RSPH10B2: variants seen among roughly 807,000 people sequenced by gnomAD.
The protein encoded by RSPH10B2 is radial spoke head 10 homolog B2 (Chlamydomonas).
In RSPH10B2, 9 loss-of-function variants were observed where a neutral mutation model predicts 49.0. The ratio of observed to expected loss-of-function variants is 0.18; its 90% confidence interval spans 0.11 to 0.32. The LOEUF (loss-of-function observed/expected upper bound fraction) is 0.32, where lower values mean the gene tolerates loss of function less well. Ranked by LOEUF, RSPH10B2 falls within the 10% of genes least tolerant of loss-of-function variation. The probability of loss-of-function intolerance (pLI) is 1.00; values close to 1 mark genes in which losing one functional copy is unlikely to be tolerated. For missense variants in RSPH10B2, 95 were observed against 589.9 expected (o/e 0.16, Z 8.69); for synonymous variants, 35 against 210.2 (o/e 0.17, Z 7.21).
chr7:6,752,215 C>T (rs554860635), upstream of RSPH10B2, among the ~76,000 whole-genome samples: 2 of 148,626 alleles, frequency 1.3e-5, no homozygotes, highest in Admixed American at 6.8e-5. Flanking sequence ...TTCCTCTGTG[C>T]GGCCAAGGTC....
intron 4 of RSPH10B2, 99 bp downstream of exon 6, chr7:6,764,200 G>GA (rs1344222165): frequency 1.9e-5 from 6 of 312,242 alleles, no homozygotes; most frequent in African/African-American, 1.4e-4. Flanking sequence ...CGGGGGGGTC[G>GA]GGGGGGCAGA....
At chr7:6,797,837 A>T (rs1485509746) in intron 18 of RSPH10B2, among the ~76,000 whole-genome samples, 2 of 98,030 alleles carry the variant, frequency 2.0e-5, no homozygotes, top group Admixed American at 2.4e-4. Flanking sequence ...TGGGCAACAC[A>T]GTAAGACCCT....
intron 18 of RSPH10B2, among the ~76,000 whole-genome samples, chr7:6,797,135 A>C (rs1346640582): frequency 2.1e-5 from 3 of 142,076 alleles, no homozygotes; most frequent in African/African-American, 5.1e-5. Flanking sequence ...CAGCCTCCCG[A>C]GTAGCTGGGA....
At chr7:6,770,764 G>A (rs1781609831) in intron 7 of RSPH10B2, among the ~76,000 whole-genome samples, 1 of 152,288 alleles carries the variant, frequency 6.6e-6, no homozygotes, top group Non-Finnish European at 1.5e-5. Context: ...AATTAGCTGG[G>A]TGTGGTGGCG....
At chr7:6,782,651 G>T (rs1342645657) in intron 13 of RSPH10B2, among the ~76,000 whole-genome samples, 1 of 120,304 alleles carries the variant, frequency 8.3e-6, no homozygotes, top group African/African-American at 3.2e-5. Context: ...GAAGGCAGAG[G>T]GGGTGGATCA....
chr7:6,793,063 ATTTTTTTTTTTTT>A (rs778318872), intron 17 of RSPH10B2, among the ~76,000 whole-genome samples: 2 of 64,832 alleles, frequency 3.1e-5, no homozygotes, highest in Non-Finnish European at 5.5e-5. Context: ...GCCCCTGGGC[ATTTTTTTTTTTTT>A]TTTTTTTTTT....
intron 17 of RSPH10B2, among the ~76,000 whole-genome samples, chr7:6,792,761 C>CCTTTT (rs1245161469): frequency 3.4e-5 from 4 of 118,914 alleles, no homozygotes; most frequent in Admixed American, 1.9e-4. Context: ...TGGTGTTTCC[C>CCTTTT]CTTTTCTTTT....
chr7:6,755,870 C>T (rs1781040305), upstream of RSPH10B2, among the ~76,000 whole-genome samples: 1 of 111,060 alleles, frequency 9.0e-6, no homozygotes, highest in African/African-American at 4.5e-5. Context: ...AGTGAGGTTG[C>T]AGTGAGCCAG....
At chr7:6,764,675 T>C (rs1229223087) in intron 4 of RSPH10B2, among the ~76,000 whole-genome samples, 14 of 151,878 alleles carry the variant, frequency 9.2e-5, no homozygotes, top group Non-Finnish European at 5.9e-5. Context: ...ATGCATGCTT[T>C]AATAGGCTAT....
In RSPH10B2 at chr7:6,787,415, GGA is replaced by G. The variant is rs1430610756; in HGVS notation, c.2010+395_2010+396del. On this transcript the variant is annotated intron_variant, in intron 15 of 18. Coordinates refer to ENST00000297186, the Ensembl canonical transcript of RSPH10B2. The stretch of plus-strand genomic sequence containing the variant: ...ACAAAGCAAGGAATGGCTTTATTCT[GGA>G]ATGGTTAAACCATCATCAAAACTAT... Among the ~76,000 whole-genome samples, 26 of 123,404 alleles carry G rather than the reference GGA, an allele frequency of 2.1e-4. 1 individual carries two copies. The highest frequency in any genetic ancestry group is 3.7e-4 in the Non-Finnish European group (23 of 61,980). The allele number at this position is 123,404 out of a possible 152,430, so 81.0% of individuals were successfully genotyped here.
chr7:6,796,403 G>T (rs1389155551), intron 17 of RSPH10B2, among the ~76,000 whole-genome samples, 165 bp from the exon 20 acceptor site: 3 of 116,166 alleles, frequency 2.6e-5, no homozygotes, highest in African/African-American at 6.3e-5. Flanking sequence ...CTGAGCCCCT[G>T]CCTTGTTCCA....
At chr7:6,785,254 G>T (rs1782106051) in intron 13 of RSPH10B2, among the ~76,000 whole-genome samples, 1 of 119,182 alleles carries the variant, frequency 8.4e-6, no homozygotes, top group African/African-American at 3.1e-5. Context: ...ACAGCTCACA[G>T]TAGCCTCAAA....
rs1447074711 is a variant in RSPH10B2, at chr7:6,782,802, G to C, written c.1758+1326G>C. On this transcript the variant is annotated intron_variant, in intron 13 of 18. Transcript: ENST00000297186. ...GGAGGCTGAGGCAGGAGAATTGCTT[G>C]AACCTGGGAGGCCGAGGTTGCAATG... Among the ~76,000 whole-genome samples, 10 of 115,748 alleles carry C rather than the reference G, an allele frequency of 8.6e-5. 3 individuals are homozygous for C. In the Admixed American group the frequency reaches 9.6e-4, roughly 11 times the overall value. 75.9% of individuals were successfully genotyped at this position (115,748 alleles called of 152,430 possible).
At chr7:6,791,291 C>T (rs1248757389) in intron 16 of RSPH10B2, among the ~76,000 whole-genome samples, 1 of 132,356 alleles carries the variant, frequency 7.6e-6, no homozygotes, top group Non-Finnish European at 1.6e-5. Context: ...CATGAGCCAC[C>T]ACGCCTAGCC....
At chr7:6,796,271 G>C (rs1475020592) in intron 17 of RSPH10B2, among the ~76,000 whole-genome samples, 2 of 120,148 alleles carry the variant, frequency 1.7e-5, no homozygotes, top group Non-Finnish European at 3.6e-5. Context: ...CAGAGATCAC[G>C]CCACTGCACT....
At chr7:6,792,646 T>G (rs1451184469) in intron 17 of RSPH10B2, among the ~76,000 whole-genome samples, 1 of 120,256 alleles carries the variant, frequency 8.3e-6, no homozygotes, top group African/African-American at 3.2e-5. Flanking sequence ...GCCTCTGCTT[T>G]CCTCAGGGTC....
At chr7:6,764,794 A>T (rs1302636281) in intron 4 of RSPH10B2, among the ~76,000 whole-genome samples, 22 of 147,376 alleles carry the variant, frequency 1.5e-4, no homozygotes, top group African/African-American at 5.2e-4. Context: ...TGACTTCTAG[A>T]CAGCAGCATC....
chr7:6,770,644 G>A (rs534326553), intron 7 of RSPH10B2, among the ~76,000 whole-genome samples: 31 of 144,928 alleles, frequency 2.1e-4, no homozygotes, highest in South Asian at 2.1e-4. Flanking sequence ...GATGGCTCAC[G>A]CCTGTAATCC....
rs569809139 is a variant in RSPH10B2, at chr7:6,766,882, G to A, written c.780+5G>A. ...CGGTGGGAGAGGGGCATCCAGGTAC[G>A]CCCGGGCGGGGTAGCAGCTTATACC... On this transcript the variant is annotated splice_donor_5th_base_variant and intron_variant, in intron 6 of 18. Transcript: ENST00000297186. 8.4e-5 allele frequency: 67 copies of A among 799,404 alleles called. 7 individuals are homozygous for A. In the African/African-American group the frequency reaches 1.0e-3, roughly 12 times the overall value. The allele number at this position is 799,404 out of a possible 1,614,324, so 49.5% of individuals were successfully genotyped here.
Sources: gnomAD v4.1 joint callset for allele counts (sites outside exome capture counted in the v4.1 genomes callset) on GRCh38, gnomAD v4.1.1 for gene constraint, MANE v1.5 for transcripts, NCBI Gene and HGNC (gene_info 2026-07-23, HGNC 2026-07-21) for gene names.